The following CPEB1 variants were observed in gnomAD, a reference collection of about 807,000 sequenced individuals.
CPEB1 encodes cytoplasmic polyadenylation element binding protein 1.
CPEB1 carries 7 observed loss-of-function variants against 65.8 expected under a neutral mutation model. The ratio of observed to expected loss-of-function variants is 0.11; its 90% CI spans 0.06 to 0.20. The LOEUF (loss-of-function observed/expected upper bound fraction) is 0.20, where lower values mean the gene tolerates loss of function less well. Among genes scored for constraint, CPEB1 ranks in the 10% least tolerant of loss-of-function variants. The pLI, the probability that CPEB1 is intolerant of heterozygous loss-of-function variation, is 1.00. For synonymous variants in CPEB1, 262 were observed against 260.0 expected (o/e 1.01, Z -0.08); for missense variants, 551 against 712.2 (o/e 0.77, Z 2.58).
Position 82,586,446 on chromosome 15 carries a change from A to C in CPEB1, c.272-14914T>G, listed in dbSNP as rs2151124296. Reference sequence around the variant, plus strand: ...TAAGCACTATGTTAAAAGTGCTTTAAACTCTAGACTATTTACAGAGGCCTC... The same window carrying C: ...TAAGCACTATGTTAAAAGTGCTTTACACTCTAGACTATTTACAGAGGCCTC... On this transcript the variant is annotated intron_variant, in intron 3 of 12. Coordinates refer to ENST00000684509, the MANE Select transcript of CPEB1 (RefSeq NM_001365242.1). Among the ~76,000 whole-genome samples the C allele has an allele frequency of 1.3e-5, 2 of 152,322 alleles. 1 individual carries two copies. Among genetic ancestry groups the C allele is most frequent in the South Asian group, 4.1e-4 (2 of 4,830 alleles).
chr15:82,645,994 C>G (rs2047483452), intron 1 of CPEB1, among the ~76,000 whole-genome samples: 1 of 152,114 alleles, frequency 6.6e-6, no homozygotes, highest in Non-Finnish European at 1.5e-5. Context: ...AGTGATGAGT[C>G]CCCAAAACAC....
intron 1 of CPEB1, among the ~76,000 whole-genome samples, chr15:82,644,824 G>A (rs2047371190): frequency 6.6e-6 from 1 of 152,204 alleles, no homozygotes; most frequent in Non-Finnish European, 1.5e-5. Flanking sequence ...TGTGCTCAGT[G>A]AAAATGCTTA....
intron 3 of CPEB1, among the ~76,000 whole-genome samples, chr15:82,609,777 TG>T (rs1414555712): frequency 6.6e-6 from 1 of 152,078 alleles, no homozygotes; most frequent in Non-Finnish European, 1.5e-5. Flanking sequence ...TAAATTACTA[TG>T]GGCTGGCTGC....
intron 3 of CPEB1, among the ~76,000 whole-genome samples, chr15:82,607,310 G>A (rs2043711689): frequency 6.6e-6 from 1 of 152,108 alleles, no homozygotes; most frequent in Non-Finnish European, 1.5e-5. Flanking sequence ...AAATAGGGCT[G>A]GGCACGGTGG....
chr15:82,558,008 C>A, intron 4 of CPEB1, 22 bp from the exon 5 acceptor site: 1 of 1,495,648 alleles, frequency 6.7e-7, no homozygotes, highest in Non-Finnish European at 9.0e-7. Context: ...AAAAAGGAAA[C>A]CTCATGACCT....
At chr15:82,557,361 T>C (rs1328760917) in intron 5 of CPEB1, among the ~76,000 whole-genome samples, 1 of 152,234 alleles carries the variant, frequency 6.6e-6, no homozygotes. Flanking sequence ...TTTTACGTTA[T>C]TACTTAATTG....
chr15:82,557,177 G>A (rs1224961797), intron 5 of CPEB1, among the ~76,000 whole-genome samples: 4 of 152,016 alleles, frequency 2.6e-5, no homozygotes, highest in East Asian at 1.9e-4. Flanking sequence ...AAGACCACAC[G>A]CATCATACAT....
chr15:82,546,159 AAGTGCAGTGGC>A, intron 12 of CPEB1, among the ~76,000 whole-genome samples: 1 of 152,016 alleles, frequency 6.6e-6, no homozygotes. Context: ...TCCCAGGCTG[AAGTGCAGTGGC>A]GTGATCTCGA....
intron 3 of CPEB1, among the ~76,000 whole-genome samples, chr15:82,578,300 G>T (rs560331046): frequency 1.3e-5 from 2 of 152,128 alleles, no homozygotes; most frequent in African/African-American, 2.4e-5. Flanking sequence ...AGGAATGAAC[G>T]CAACTATCAG....
At position 82,556,090 on chromosome 15, in the gene CPEB1, G is replaced by C. The variant is rs1428289662; in HGVS notation, c.720C>G (p.Phe240Leu). Residue 240 changes from phenylalanine to leucine, a missense_variant, in exon 6 of 13, where the codon TTC (phenylalanine) becomes TTG (leucine). By Grantham distance (22) the Phe-to-Leu change is conservative (BLOSUM62 0). Coordinates refer to ENST00000684509, the MANE Select transcript of CPEB1 (RefSeq NM_001365242.1). Reference sequence around the variant, plus strand: ...TGGGACCACCCCCTGACAGAGACAGGAAGGGCAGAGGTGGAGAAATGCGAA... The same window carrying C: ...TGGGACCACCCCCTGACAGAGACAGCAAGGGCAGAGGTGGAGAAATGCGAA... ...SSLRISPPLP[F>L]LSLSGGGPRD... 2.5e-6 allele frequency: 4 copies of C among 1,610,166 alleles called. No individual in the cohort carries two copies. The highest frequency in any genetic ancestry group is 3.4e-6 in the Non-Finnish European group (4 of 1,178,476).
At chr15:82,544,776 C>T in intron 12 of CPEB1, 74 bp from the exon 13 acceptor site, 3 of 1,159,472 alleles carry the variant, frequency 2.6e-6, no homozygotes, top group East Asian at 4.8e-5. Context: ...GCACGAGCTG[C>T]TTGTTCTGTT....
At chr15:82,619,968 G>C (rs757874943) in intron 3 of CPEB1, among the ~76,000 whole-genome samples, 12 of 152,064 alleles carry the variant, frequency 7.9e-5, no homozygotes, top group Non-Finnish European at 1.2e-4. Context: ...AGCACTATTC[G>C]CAATGGCCCC....
intron 3 of CPEB1, among the ~76,000 whole-genome samples, chr15:82,602,126 AC>A (rs2043171820): frequency 6.6e-6 from 1 of 152,212 alleles, no homozygotes; most frequent in South Asian, 2.1e-4. Flanking sequence ...GCAAGCCTCA[AC>A]AAATTTGAAG....
intron 3 of CPEB1, among the ~76,000 whole-genome samples, chr15:82,594,501 G>C (rs528642526): frequency 4.0e-4 from 61 of 152,266 alleles, no homozygotes; most frequent in African/African-American, 1.4e-3. Flanking sequence ...ATTAAGTTTT[G>C]GCATAAGGGA....
At chr15:82,564,535 C>T (rs1356367735) in intron 4 of CPEB1, among the ~76,000 whole-genome samples, 1 of 152,106 alleles carries the variant, frequency 6.6e-6, no homozygotes, top group Non-Finnish European at 1.5e-5. Context: ...CCTTGTGATC[C>T]ACCCGCCTCA....
At chr15:82,593,580 T>C (rs2042433828) in intron 3 of CPEB1, among the ~76,000 whole-genome samples, 1 of 152,248 alleles carries the variant, frequency 6.6e-6, no homozygotes, top group Admixed American at 6.5e-5. Flanking sequence ...TCCAAATTCC[T>C]ATTCATGTTA....
chr15:82,608,269 ATTT>A (rs1015296063), intron 3 of CPEB1, among the ~76,000 whole-genome samples: 4 of 140,524 alleles, frequency 2.8e-5, no homozygotes, highest in Non-Finnish European at 6.3e-5. Flanking sequence ...ATTGCCTCTG[ATTT>A]TTTTTTTTAA....
At chr15:82,587,221 A>C (rs1184884126) in intron 3 of CPEB1, among the ~76,000 whole-genome samples, 1 of 152,148 alleles carries the variant, frequency 6.6e-6, no homozygotes, top group East Asian at 1.9e-4. Flanking sequence ...GTGAGACAGG[A>C]CTCTCCAACT....
chr15:82,561,031 C>T (rs1176865225), intron 4 of CPEB1, among the ~76,000 whole-genome samples: 1 of 152,134 alleles, frequency 6.6e-6, no homozygotes, highest in Non-Finnish European at 1.5e-5. Flanking sequence ...AGATTAGGAG[C>T]AAATAAATGG....
Sources: allele counts gnomAD v4.1 joint callset (sites outside exome capture counted in the v4.1 genomes callset), GRCh38; gene constraint gnomAD v4.1.1; transcripts MANE v1.5; gene names NCBI Gene and HGNC (gene_info 2026-07-23, HGNC 2026-07-21).